The following PDE5A variants were observed in gnomAD, a reference collection of about 807,000 sequenced individuals.
PDE5A encodes the protein phosphodiesterase 5A, also known as cGMP-specific 3',5'-cyclic phosphodiesterase.
PDE5A carries 67 observed loss-of-function variants against 110.2 expected under a neutral mutation model. The ratio of observed to expected loss-of-function variants is 0.61; its 90% CI spans 0.50 to 0.75. The LOEUF (loss-of-function observed/expected upper bound fraction) is 0.75, where lower values mean the gene tolerates loss of function less well. PDE5A is among the 30% of genes least tolerant of loss of function. The pLI is 0.00. For synonymous variants in PDE5A, 328 were observed against 351.2 expected (o/e 0.93, Z 0.74); for missense variants, 862 against 1,045.1 (o/e 0.82, Z 2.42).
At chr4:119,598,998 C>CCATT (rs1729247978) in intron 2 of PDE5A, among the ~76,000 whole-genome samples, 1 of 152,092 alleles carries the variant, frequency 6.6e-6, no homozygotes, top group South Asian at 2.1e-4. Context: ...TGTTTGGAGA[C>CCATT]AATGGAGTTC....
chr4:119,498,934 T>C (rs1175851136), intron 20 of PDE5A, among the ~76,000 whole-genome samples, 196 bp from the exon 21 acceptor site: 2 of 152,162 alleles, frequency 1.3e-5, no homozygotes, highest in Non-Finnish European at 2.9e-5. Flanking sequence ...AAGGAGTACA[T>C]GCTGAGGGAC....
chr4:119,545,257 A>G (rs1237398035), intron 9 of PDE5A, among the ~76,000 whole-genome samples: 1 of 152,178 alleles, frequency 6.6e-6, no homozygotes, highest in Non-Finnish European at 1.5e-5. Context: ...TCCCTGTTTA[A>G]GAAAACTAAA....
chr4:119,516,578 T>C (rs768726637), intron 14 of PDE5A, among the ~76,000 whole-genome samples: 7 of 152,208 alleles, frequency 4.6e-5, no homozygotes, highest in Non-Finnish European at 1.0e-4. Context: ...TTTGTTCCTA[T>C]TACTGCCTAT....
chr4:119,612,039 T>C (rs914696121), intron 1 of PDE5A, among the ~76,000 whole-genome samples: 1 of 152,222 alleles, frequency 6.6e-6, no homozygotes, highest in African/African-American at 2.4e-5. Flanking sequence ...ACAAATCACC[T>C]GCAAATTGAA....
intron 3 of PDE5A, among the ~76,000 whole-genome samples, chr4:119,586,954 T>C (rs1223739134): frequency 6.6e-6 from 1 of 152,220 alleles, no homozygotes; most frequent in Non-Finnish European, 1.5e-5. Context: ...TCTTGATCAG[T>C]AATGTAGACT....
At position 119,628,070 on chromosome 4, in the gene PDE5A, A is replaced by T. The variant is rs1365761283; in HGVS notation, c.152+450T>A. 1.0e-5 allele frequency: 10 copies of T among 984,262 alleles called. No individual in the cohort carries two copies. In the African/African-American group the frequency reaches 1.7e-4, roughly 17 times the overall value. The allele number at this position is 984,262 out of a possible 1,614,324, so 61.0% of individuals were successfully genotyped here. On this transcript the variant is annotated intron_variant, in intron 1 of 20. Transcript: ENST00000354960. ...CTCACCCCAGCTTCCCCGCCCAGCCAGGGCCAGGGCGAGGGGGGACGGGGG... is the reference window on the plus strand; with the variant it reads ...CTCACCCCAGCTTCCCCGCCCAGCCTGGGCCAGGGCGAGGGGGGACGGGGG...
chr4:119,542,356 G>C (rs1474559408), intron 10 of PDE5A, 103 bp downstream of exon 10: 9 of 1,016,542 alleles, frequency 8.9e-6, no homozygotes, highest in Non-Finnish European at 1.3e-5. Context: ...ATTTTGGTGA[G>C]GACACAATGA....
chr4:119,618,646 T>C (rs1390086551), intron 1 of PDE5A, among the ~76,000 whole-genome samples: 1 of 152,096 alleles, frequency 6.6e-6, no homozygotes, highest in South Asian at 2.1e-4. Flanking sequence ...AAATAAGTTA[T>C]AGATTTGGGG....
chr4:119,561,940 T>A (rs934512898), intron 6 of PDE5A, among the ~76,000 whole-genome samples: 3 of 152,214 alleles, frequency 2.0e-5, no homozygotes, highest in African/African-American at 7.2e-5. Flanking sequence ...TTATTCTACT[T>A]TGCCCCAAAA....
intron 10 of PDE5A, 64 bp from the exon 11 acceptor site, chr4:119,539,083 T>C: frequency 1.7e-6 from 2 of 1,203,130 alleles, no homozygotes; most frequent in Non-Finnish European, 2.5e-6. Flanking sequence ...GACTAGAACT[T>C]CAAGCTTGGA....
chr4:119,622,880 AAG>A (rs1491067411), intron 1 of PDE5A, among the ~76,000 whole-genome samples: 14 of 150,546 alleles, frequency 9.3e-5, no homozygotes, highest in African/African-American at 2.7e-4. Flanking sequence ...AAAAAAAAGA[AAG>A]AAAGAAAAAA....
chr4:119,605,823 A>G (rs536827392), intron 2 of PDE5A, among the ~76,000 whole-genome samples: 1 of 152,308 alleles, frequency 6.6e-6, no homozygotes, highest in East Asian at 1.9e-4. Context: ...GCCAGGCACT[A>G]TAAGGCACCA....
chr4:119,614,644 A>C (rs185171345), intron 1 of PDE5A, among the ~76,000 whole-genome samples: 1 of 152,286 alleles, frequency 6.6e-6, no homozygotes, highest in Admixed American at 6.5e-5. Context: ...CTAGAGCATA[A>C]AATATCTCCT....
At chr4:119,613,728 G>T (rs1277700205) in intron 1 of PDE5A, among the ~76,000 whole-genome samples, 2 of 51,160 alleles carry the variant, frequency 3.9e-5, no homozygotes, top group African/African-American at 5.8e-5. Context: ...ATTCTAGGGG[G>T]TTTTGAAAAA....
chr4:119,502,260 G>A, intron 19 of PDE5A: 1 of 194,372 alleles, frequency 5.1e-6, no homozygotes, highest in Non-Finnish European at 1.1e-5. Context: ...GGTAAATTAT[G>A]GTTACATCGA....
intron 18 of PDE5A, among the ~76,000 whole-genome samples, chr4:119,502,994 A>ATTC (rs1327592686): frequency 6.6e-6 from 1 of 152,180 alleles, no homozygotes; most frequent in African/African-American, 2.4e-5. Flanking sequence ...ATGAAGACAC[A>ATTC]TTCTTCCCTC....
chr4:119,498,822 C>CA, intron 20 of PDE5A, 84 bp from the exon 21 acceptor site: 1 of 1,408,796 alleles, frequency 7.1e-7, no homozygotes, highest in Non-Finnish European at 9.9e-7. Context: ...AGGGCCACAT[C>CA]CCACACTCAT....
intron 1 of PDE5A, among the ~76,000 whole-genome samples, chr4:119,612,256 T>C (rs1729780985): frequency 6.6e-6 from 1 of 152,116 alleles, no homozygotes; most frequent in South Asian, 2.1e-4. Flanking sequence ...GTGTTGAAGG[T>C]GGGGCTTAGT....
intron 11 of PDE5A, among the ~76,000 whole-genome samples, chr4:119,537,127 T>G (rs567218125): frequency 6.6e-6 from 1 of 152,276 alleles, no homozygotes; most frequent in South Asian, 2.1e-4. Flanking sequence ...CTGACTCCTG[T>G]GCCTCCGCCT....
Sources: allele counts gnomAD v4.1 joint callset (sites outside exome capture counted in the v4.1 genomes callset), GRCh38; gene constraint gnomAD v4.1.1; transcripts MANE v1.5; gene names NCBI Gene and HGNC (gene_info 2026-07-23, HGNC 2026-07-21).